KCTD16: variants seen among roughly 807,000 people sequenced by gnomAD.
KCTD16 encodes BTB/POZ domain-containing protein KCTD16.
Under a neutral mutation model 33.2 loss-of-function variants are expected in KCTD16, and 13 were observed. The observed-to-expected ratio is 0.39, with a 90% CI of 0.25 to 0.62. The LOEUF (loss-of-function observed/expected upper bound fraction) is 0.62. KCTD16 is among the 20% of genes least tolerant of loss of function. The pLI is 0.50. For missense variants in KCTD16, 441 were observed against 525.1 expected (o/e 0.84, Z 1.57); for synonymous variants, 197 against 195.3 (o/e 1.01, Z -0.07).
intron 3 of KCTD16, among the ~76,000 whole-genome samples, chr5:144,248,289 T>G (rs1379120829): frequency 6.6e-6 from 1 of 152,034 alleles, no homozygotes; most frequent in African/African-American, 2.4e-5. Flanking sequence ...AAAGAAAGCT[T>G]TATGGATATC....
At chr5:144,459,306 C>T (rs1202901076) in intron 3 of KCTD16, among the ~76,000 whole-genome samples, 1 of 152,118 alleles carries the variant, frequency 6.6e-6, no homozygotes, top group African/African-American at 2.4e-5. Flanking sequence ...GGCCTCTTAA[C>T]TGGCCTCCCT....
At chr5:144,297,101 T>G (rs1756059927) in intron 3 of KCTD16, among the ~76,000 whole-genome samples, 1 of 152,260 alleles carries the variant, frequency 6.6e-6, no homozygotes, top group Non-Finnish European at 1.5e-5. Context: ...AGAGCCAATC[T>G]GGAAGATGCT....
At chr5:144,431,756 A>T (rs1330584808) in intron 3 of KCTD16, among the ~76,000 whole-genome samples, 1 of 152,180 alleles carries the variant, frequency 6.6e-6, no homozygotes, top group Non-Finnish European at 1.5e-5. Context: ...ACTTGTTTTT[A>T]TTCCGACACA....
chr5:144,313,580 T>C (rs1751827723), intron 3 of KCTD16, among the ~76,000 whole-genome samples: 1 of 152,232 alleles, frequency 6.6e-6, no homozygotes, highest in African/African-American at 2.4e-5. Context: ...GATTCAGATT[T>C]ACGATGCTTT....
chr5:144,419,833 ACTAC>A (rs1753169212), intron 3 of KCTD16, among the ~76,000 whole-genome samples: 1 of 152,134 alleles, frequency 6.6e-6, no homozygotes, highest in African/African-American at 2.4e-5. Context: ...GTGGCTAATG[ACTAC>A]CCTGTTGCAT....
At chr5:144,357,015 A>C (rs1383889724) in intron 3 of KCTD16, among the ~76,000 whole-genome samples, 1 of 152,226 alleles carries the variant, frequency 6.6e-6, no homozygotes, top group African/African-American at 2.4e-5. Context: ...TCATGGAAAC[A>C]GTAATACTTA....
At chr5:144,228,372 C>T (rs757846084) in intron 3 of KCTD16, among the ~76,000 whole-genome samples, 11 of 152,094 alleles carry the variant, frequency 7.2e-5, no homozygotes, top group Non-Finnish European at 1.2e-4. Context: ...AGAGTAAATT[C>T]TTTGCAAATT....
At chr5:144,286,196 T>C (rs1224895714) in intron 3 of KCTD16, among the ~76,000 whole-genome samples, 2 of 152,182 alleles carry the variant, frequency 1.3e-5, no homozygotes, top group Non-Finnish European at 2.9e-5. Flanking sequence ...GCAAATCTCA[T>C]AGACATTACA....
chr5:144,336,998 T>C (rs1176078509), intron 3 of KCTD16, among the ~76,000 whole-genome samples: 1 of 150,886 alleles, frequency 6.6e-6, no homozygotes, highest in Non-Finnish European at 1.5e-5. Flanking sequence ...ATTTAATATA[T>C]ATAATGTTAT....
At chr5:144,183,311 C>A (rs1365429478) in intron 2 of KCTD16, among the ~76,000 whole-genome samples, 1 of 152,134 alleles carries the variant, frequency 6.6e-6, no homozygotes, top group African/African-American at 2.4e-5. Flanking sequence ...ATAATTTACT[C>A]ATAGAATAAA....
At chr5:144,233,765 A>G (rs1754171727) in intron 3 of KCTD16, among the ~76,000 whole-genome samples, 1 of 152,204 alleles carries the variant, frequency 6.6e-6, no homozygotes, top group African/African-American at 2.4e-5. Flanking sequence ...CTTACCTAGC[A>G]AGATAAGGCA....
intron 3 of KCTD16, among the ~76,000 whole-genome samples, chr5:144,311,152 C>T (rs921985311): frequency 2.6e-5 from 4 of 152,102 alleles, no homozygotes; most frequent in Non-Finnish European, 5.9e-5. Context: ...GATACCAGTC[C>T]CTCTGAGACT....
chr5:144,317,220 G>C (rs1445793384), intron 3 of KCTD16, among the ~76,000 whole-genome samples: 2 of 152,078 alleles, frequency 1.3e-5, no homozygotes, highest in Non-Finnish European at 2.9e-5. Flanking sequence ...AAGGAGTGCA[G>C]TGACTTCCCC....
At chr5:144,406,048 G>A (rs1752802879) in intron 3 of KCTD16, among the ~76,000 whole-genome samples, 1 of 152,148 alleles carries the variant, frequency 6.6e-6, no homozygotes, top group Non-Finnish European at 1.5e-5. Context: ...ACTGAGGCTT[G>A]TTGTTAAGTA....
chr5:144,191,154 A>G (rs1752833208), intron 2 of KCTD16, among the ~76,000 whole-genome samples: 1 of 152,184 alleles, frequency 6.6e-6, no homozygotes, highest in Admixed American at 6.5e-5. Flanking sequence ...TTTAATGTCA[A>G]AGCCACACCT....
intron 3 of KCTD16, among the ~76,000 whole-genome samples, chr5:144,373,837 C>T (rs1752024211): frequency 6.6e-6 from 1 of 152,152 alleles, no homozygotes; most frequent in East Asian, 1.9e-4. Context: ...GATTACATTG[C>T]TAATTGGAAG....
intron 3 of KCTD16, among the ~76,000 whole-genome samples, chr5:144,311,910 C>A (rs116148708): frequency 6.6e-6 from 1 of 152,010 alleles, no homozygotes; most frequent in Non-Finnish European, 1.5e-5. Context: ...AATGAATATT[C>A]TGGAGAAATA....
intron 3 of KCTD16, among the ~76,000 whole-genome samples, chr5:144,269,381 G>A (rs1298750460): frequency 6.6e-6 from 1 of 151,934 alleles, no homozygotes; most frequent in Non-Finnish European, 1.5e-5. Flanking sequence ...CCCTCCATAT[G>A]ATTATCAGCA....
intron 3 of KCTD16, among the ~76,000 whole-genome samples, chr5:144,226,400 C>T (rs1753931883): frequency 6.6e-6 from 1 of 152,046 alleles, no homozygotes; most frequent in African/African-American, 2.4e-5. Flanking sequence ...ACTGGGTTAT[C>T]CATAGACTAC....
Sources: gnomAD v4.1 joint callset for allele counts (sites outside exome capture counted in the v4.1 genomes callset) on GRCh38, gnomAD v4.1.1 for gene constraint, MANE v1.5 for transcripts, NCBI Gene and HGNC (gene_info 2026-07-23, HGNC 2026-07-21) for gene names.